DIAPH2: variants seen among roughly 807,000 people sequenced by gnomAD.
DIAPH2 encodes the protein protein diaphanous homolog 2.
DIAPH2 carries 35 observed loss-of-function variants against 92.7 expected under a neutral mutation model. The observed-to-expected ratio is 0.38, with a 90% CI of 0.29 to 0.50. The LOEUF is 0.50. DIAPH2 is among the 20% of genes least tolerant of loss of function. DIAPH2 has a pLI of 0.94. For missense variants in DIAPH2, 701 were observed against 819.5 expected (o/e 0.86, Z 1.77); for synonymous variants, 301 against 280.4 (o/e 1.07, Z -0.73).
At position 96,983,926 on chromosome X, in the gene DIAPH2, T is replaced by C. The variant is rs370130951; in HGVS notation, c.2050+18719T>C. On this transcript the variant is annotated intron_variant, in intron 17 of 26. Transcript: ENST00000324765. ...GTTTATATATTGCATAATATTTCCCTGAAAATTATTACCAAGAACTAAGTT... is the reference window on the plus strand; with the variant it reads ...GTTTATATATTGCATAATATTTCCCCGAAAATTATTACCAAGAACTAAGTT... Among the ~76,000 whole-genome samples the C allele has an allele frequency of 2.6e-4, 29 of 112,144 alleles. No individual in the cohort carries two copies. In the East Asian group the frequency reaches 6.4e-3, roughly 25 times the overall value.
At chrX:97,196,047 A>G (rs2067700702) in intron 22 of DIAPH2, among the ~76,000 whole-genome samples, 1 of 112,015 alleles carries the variant, frequency 8.9e-6, no homozygotes, top group African/African-American at 3.2e-5. Context: ...TCATAACTGT[A>G]TTTTCAAATA....
At chrX:97,499,274 A>G (rs1273447522) in intron 26 of DIAPH2, among the ~76,000 whole-genome samples, 1 of 112,056 alleles carries the variant, frequency 8.9e-6, no homozygotes, top group African/African-American at 3.2e-5. Flanking sequence ...GGGTCATTTT[A>G]TAAACCAAAT....
Position 96,976,434 on chromosome X carries a change from A to G in DIAPH2, c.2050+11227A>G, listed in dbSNP as rs187418940. ...ACTGTGTCCAGCCCATAATTTCATCATTTTAATTATATCTAAAGTTTTTTG... is the reference window on the plus strand; with the variant it reads ...ACTGTGTCCAGCCCATAATTTCATCGTTTTAATTATATCTAAAGTTTTTTG... On this transcript the variant is annotated intron_variant, in intron 17 of 26. Transcript: ENST00000324765. 6.0e-3 allele frequency among the ~76,000 whole-genome samples: 666 copies of G among 111,160 alleles called. 2 individuals are homozygous for G. Among genetic ancestry groups the G allele is most frequent in the Middle Eastern group, 0.019 (4 of 215 alleles).
At chrX:97,086,470 G>C (rs1417534231) in intron 19 of DIAPH2, among the ~76,000 whole-genome samples, 1 of 111,586 alleles carries the variant, frequency 9.0e-6, no homozygotes, top group Non-Finnish European at 1.9e-5. Context: ...ATTTATTTTA[G>C]AACATGGTGA....
intron 22 of DIAPH2, among the ~76,000 whole-genome samples, chrX:97,173,562 T>G (rs1342484938): frequency 2.7e-5 from 3 of 111,747 alleles, no homozygotes; most frequent in Non-Finnish European, 5.6e-5. Context: ...TTTGGCCTTT[T>G]GATTGAGTAT....
chrX:97,181,857 C>T (rs1181450796), intron 22 of DIAPH2, among the ~76,000 whole-genome samples: 1 of 112,279 alleles, frequency 8.9e-6, no homozygotes, highest in Non-Finnish European at 1.9e-5. Context: ...AGATTGCAAG[C>T]AATAATATGC....
chrX:96,986,742 C>A (rs1314027212), intron 17 of DIAPH2, among the ~76,000 whole-genome samples: 1 of 111,252 alleles, frequency 9.0e-6, no homozygotes, highest in Admixed American at 9.6e-5. Flanking sequence ...CTTTCCCTTA[C>A]CATGTAGAGA....
At chrX:97,418,849 T>C (rs1402229434) in intron 25 of DIAPH2, among the ~76,000 whole-genome samples, 1 of 112,108 alleles carries the variant, frequency 8.9e-6, no homozygotes, top group Non-Finnish European at 1.9e-5. Context: ...TTATGGGCTC[T>C]AAAATGTAAA....
chrX:97,331,003 C>G lies in DIAPH2; in HGVS notation c.2845-17113C>G, dbSNP rs139006239. On this transcript the variant is annotated intron_variant, in intron 23 of 26. Transcript: ENST00000324765. ...TTCTTTTTTTCAGTCCAAGAGCTGG[C>G]TTTGAATAACACATTGACATTGAAA... 6.4e-3 allele frequency among the ~76,000 whole-genome samples: 710 copies of G among 111,058 alleles called. 2 individuals carry two copies. The highest frequency in any genetic ancestry group is 0.022 in the African/African-American group (664 of 30,617).
At chrX:97,337,608 C>A (rs1034945631) in intron 23 of DIAPH2, among the ~76,000 whole-genome samples, 1 of 111,614 alleles carries the variant, frequency 9.0e-6, no homozygotes. Flanking sequence ...TTATAAATTA[C>A]CCAGTCTCAG....
At chrX:97,568,677 G>T (rs932917856) in intron 26 of DIAPH2, among the ~76,000 whole-genome samples, 5 of 111,696 alleles carry the variant, frequency 4.5e-5, no homozygotes, top group African/African-American at 1.6e-4. Flanking sequence ...AGAACATCTG[G>T]GAGGAGAAAG....
chrX:96,741,876 C>G (rs1053446768), intron 3 of DIAPH2, among the ~76,000 whole-genome samples: 2 of 111,709 alleles, frequency 1.8e-5, no homozygotes, highest in Admixed American at 1.9e-4. Context: ...CCTCAACATT[C>G]ATCTTGTTTT....
intron 24 of DIAPH2, among the ~76,000 whole-genome samples, chrX:97,363,852 C>A (rs1331301280): frequency 9.1e-6 from 1 of 110,442 alleles, no homozygotes; most frequent in Non-Finnish European, 1.9e-5. Context: ...GAAGTAAAAG[C>A]ATATTTTTAG....
chrX:97,588,583 C>T (rs747295741), intron 26 of DIAPH2, among the ~76,000 whole-genome samples: 9 of 110,181 alleles, frequency 8.2e-5, no homozygotes, highest in Non-Finnish European at 1.7e-4. Context: ...TGGAGAGAGT[C>T]AATCTTTTAG....
At chrX:96,815,295 C>T (rs1241205528) in intron 4 of DIAPH2, among the ~76,000 whole-genome samples, 1 of 112,101 alleles carries the variant, frequency 8.9e-6, no homozygotes, top group Middle Eastern at 4.6e-3. Context: ...TCTGTGCTAG[C>T]AGTGAGCAAG....
chrX:97,430,913 A>G (rs1333079806), intron 26 of DIAPH2, among the ~76,000 whole-genome samples: 4 of 112,380 alleles, frequency 3.6e-5, no homozygotes, highest in African/African-American at 1.3e-4. Context: ...TCCCTGAGAG[A>G]TTAACCTAAA....
intron 17 of DIAPH2, among the ~76,000 whole-genome samples, chrX:96,988,213 T>A (rs1435434180): frequency 9.1e-6 from 1 of 109,970 alleles, no homozygotes; most frequent in African/African-American, 3.3e-5. Flanking sequence ...AAAAATATAA[T>A]AATAAACATG....
intron 4 of DIAPH2, among the ~76,000 whole-genome samples, chrX:96,773,556 A>T (rs773881314): frequency 1.8e-5 from 2 of 111,725 alleles, no homozygotes; most frequent in Non-Finnish European, 3.8e-5. Context: ...AATGTCAAGA[A>T]TGGGGAGAGG....
chrX:97,115,065 T>A, intron 21 of DIAPH2, 100 bp downstream of exon 21: 1 of 833,246 alleles, frequency 1.2e-6, no homozygotes, highest in Non-Finnish European at 1.6e-6. Context: ...CAAAATTGTA[T>A]GCTTAAAAAG....
Sources: allele counts gnomAD v4.1 joint callset (sites outside exome capture counted in the v4.1 genomes callset), GRCh38; gene constraint gnomAD v4.1.1; transcripts MANE v1.5; gene names NCBI Gene and HGNC (gene_info 2026-07-23, HGNC 2026-07-21).